BAALC: variants seen among roughly 807,000 people sequenced by gnomAD.
The protein encoded by BAALC is BAALC binder of MAP3K1 and KLF4.
BAALC carries 9 observed loss-of-function variants against 15.5 expected under a neutral mutation model. The observed-to-expected ratio is 0.58, with a 90% CI of 0.35 to 1.02. The LOEUF is 1.02. BAALC is among the 50% of genes least tolerant of loss of function. The pLI is 0.02. For missense variants in BAALC, 201 were observed against 192.4 expected, an observed-to-expected ratio of 1.04 and a Z score of -0.27; for synonymous variants, 80 against 74.6, an observed-to-expected ratio of 1.07 and a Z score of -0.37.
At chr8:103,144,968 G>T (rs1357325925) in intron 1 of BAALC, among the ~76,000 whole-genome samples, 1 of 152,190 alleles carries the variant, frequency 6.6e-6, no homozygotes, top group Non-Finnish European at 1.5e-5. Context: ...TTACAAGTGA[G>T]GAAATGAGGC....
chr8:103,157,237 T>C (rs1811116172), intron 1 of BAALC, among the ~76,000 whole-genome samples: 1 of 152,104 alleles, frequency 6.6e-6, no homozygotes, highest in Admixed American at 6.5e-5. Flanking sequence ...AACCCCTTAA[T>C]TGTAGCCTTA....
intron 1 of BAALC, among the ~76,000 whole-genome samples, chr8:103,163,265 C>T (rs1456717341): frequency 6.6e-6 from 1 of 152,120 alleles, no homozygotes; most frequent in Non-Finnish European, 1.5e-5. Context: ...TCTCTTCACG[C>T]CCTTGCCCAG....
chr8:103,221,570 A>G (rs2130089760), intron 2 of BAALC, among the ~76,000 whole-genome samples: 1 of 152,270 alleles, frequency 6.6e-6, no homozygotes, highest in South Asian at 2.1e-4. Context: ...GCTGGAAACT[A>G]CATCAGAGGG....
intron 1 of BAALC, chr8:103,157,146 A>ACACG (rs1811112813): frequency 6.6e-6 from 1 of 150,430 alleles, no homozygotes; most frequent in South Asian, 2.1e-4. Flanking sequence ...ACACACACAC[A>ACACG]CACACCACAC....
chr8:103,200,580 C>T (rs1382724927), intron 1 of BAALC: 3 of 496,794 alleles, frequency 6.0e-6, no homozygotes, highest in Non-Finnish European at 1.1e-5. Flanking sequence ...ACAACAGGGA[C>T]TGTCTTCCTC....
chr8:103,141,072 C>A lies in BAALC; in HGVS notation c.160+15C>A. On this transcript the variant is annotated intron_variant, in intron 1 of 2. Coordinates refer to ENST00000309982, the MANE Select transcript of BAALC (RefSeq NM_024812.3). ...CCTGCACTCGGGTAAGTGGCCGGGC[C>A]CCTGCAGACCCTCGCCCGCCCGCTA... 4.9e-6 allele frequency: 7 copies of A among 1,443,298 alleles called. No homozygotes were observed. The highest frequency in any genetic ancestry group is 5.4e-6 in the Non-Finnish European group (6 of 1,102,246). 89.4% of individuals were successfully genotyped at this position (1,443,298 alleles called of 1,614,324 possible). A position where few individuals can be genotyped will look rare whatever the true frequency, so the allele number is the denominator to read the frequency against.
intron 1 of BAALC, among the ~76,000 whole-genome samples, chr8:103,142,857 G>A (rs1047393311): frequency 6.6e-6 from 1 of 152,130 alleles, no homozygotes; most frequent in African/African-American, 2.4e-5. Flanking sequence ...ACTGCAACAG[G>A]TGGGGCCTGG....
intron 1 of BAALC, among the ~76,000 whole-genome samples, chr8:103,181,507 C>T (rs1226714404): frequency 6.6e-6 from 1 of 152,034 alleles, no homozygotes; most frequent in Admixed American, 6.5e-5. Flanking sequence ...CTCCTGACCT[C>T]GTGATCTGCC....
At chr8:103,209,571 C>T (rs913043648) in intron 1 of BAALC, among the ~76,000 whole-genome samples, 3 of 151,994 alleles carry the variant, frequency 2.0e-5, no homozygotes, top group Non-Finnish European at 4.4e-5. Context: ...ACCCTTCCCA[C>T]AGGCTGAGTT....
intron 1 of BAALC, among the ~76,000 whole-genome samples, chr8:103,189,325 C>T (rs28442007): frequency 0.15 from 23,045 of 152,150 alleles, 1,915 homozygotes; most frequent in African/African-American, 0.22. Flanking sequence ...AGAGATCAAA[C>T]TGTGCGAGAA....
At chr8:103,183,540 T>C in intron 1 of BAALC, 1 of 682,032 alleles carries the variant, frequency 1.5e-6, no homozygotes, top group Non-Finnish European at 2.7e-6. Context: ...AACCAGGTAA[T>C]CTATAGCTTG....
At chr8:103,159,200 C>T in intron 1 of BAALC, among the ~76,000 whole-genome samples, 1 of 152,154 alleles carries the variant, frequency 6.6e-6, no homozygotes, top group Non-Finnish European at 1.5e-5. Context: ...ACATCAGGAA[C>T]CACACATCAG....
rs186405038 is a variant in BAALC at position 103,222,007 on chromosome 8, A to G, written c.328-5982A>G. Among the ~76,000 whole-genome samples the G allele has an allele frequency of 1.4e-4, 21 of 152,318 alleles. 1 individual carries two copies. The highest frequency in any genetic ancestry group is 1.0e-3 in the Admixed American group (16 of 15,296). ...TTGGTTTGGTTTAAAAAGGCAGGAC[A>G]ACTCAAAGCAAAGTGGGCAGGTGGC... On this transcript the variant is annotated intron_variant, in intron 2 of 2. Coordinates refer to ENST00000309982, the MANE Select transcript of BAALC (RefSeq NM_024812.3).
chr8:103,186,735 A>C (rs1452914254), intron 1 of BAALC, among the ~76,000 whole-genome samples: 1 of 152,220 alleles, frequency 6.6e-6, no homozygotes, highest in Non-Finnish European at 1.5e-5. Context: ...CACTGAGTTT[A>C]AACAGTGCTT....
chr8:103,145,524 G>A (rs1054757887), intron 1 of BAALC, among the ~76,000 whole-genome samples: 7 of 152,298 alleles, frequency 4.6e-5, no homozygotes, highest in Admixed American at 2.6e-4. Context: ...TCAGCTGAAC[G>A]GCATAGGGCA....
chr8:103,155,823 G>A (rs1238257227), intron 1 of BAALC, among the ~76,000 whole-genome samples: 1 of 152,202 alleles, frequency 6.6e-6, no homozygotes, highest in Non-Finnish European at 1.5e-5. Flanking sequence ...TAGGTCAGTG[G>A]AGAGTGAAAT....
At position 103,183,118 on chromosome 8, in the gene BAALC, C is replaced by T. The variant is rs568882592; in HGVS notation, c.161-29801C>T. Among the ~76,000 whole-genome samples the T allele has an allele frequency of 2.9e-3, 434 of 152,236 alleles. 3 individuals carry two copies. The highest frequency in any genetic ancestry group is 9.8e-3 in the African/African-American group (408 of 41,544). On this transcript the variant is annotated intron_variant, in intron 1 of 2. Coordinates refer to ENST00000309982, the MANE Select transcript of BAALC (RefSeq NM_024812.3). ...ATCTCAAACCAGTCATGTTTTATTT[C>T]CTGGGGCTGGGGGAAGTGCTGCTGG... is the stretch of plus-strand genomic sequence containing the variant.
intron 2 of BAALC, among the ~76,000 whole-genome samples, chr8:103,225,297 G>C (rs753749426): frequency 4.6e-5 from 7 of 152,202 alleles, no homozygotes; most frequent in African/African-American, 7.2e-5. Context: ...GGAACACACA[G>C]AGGAAAGCAA....
chr8:103,228,178 A>G lies in BAALC; in HGVS notation c.*79A>G. 1 of 1,026,036 alleles carries G rather than the reference A, an allele frequency of 9.7e-7. No homozygotes were observed. The highest frequency in any genetic ancestry group is 1.6e-5 in the African/African-American group (1 of 62,864). The allele number at this position is 1,026,036 out of a possible 1,614,324, so 63.6% of individuals were successfully genotyped here. A position where few individuals can be genotyped will look rare whatever the true frequency, so the allele number is the denominator to read the frequency against. ...TGGATCCCATCAAAGAACCTTGAAG[A>G]AGTGGCTGCCCCTTGCTGGACCTGA... On this transcript the variant is annotated 3_prime_UTR_variant, in exon 3 of 3. Coordinates refer to ENST00000309982, the MANE Select transcript of BAALC (RefSeq NM_024812.3).
Sources: gnomAD v4.1 joint callset for allele counts (sites outside exome capture counted in the v4.1 genomes callset) on GRCh38, gnomAD v4.1.1 for gene constraint, MANE v1.5 for transcripts, NCBI Gene and HGNC (gene_info 2026-07-23, HGNC 2026-07-21) for gene names.